FRMPD4: variants seen among roughly 807,000 people sequenced by gnomAD.
FRMPD4 encodes the protein FERM and PDZ domain containing 4.
Under a neutral mutation model 94.1 loss-of-function variants are expected in FRMPD4, and 22 were observed. That is an observed-to-expected ratio of 0.23 (90% confidence interval 0.17 to 0.33). The LOEUF (loss-of-function observed/expected upper bound fraction) is 0.33. Among genes scored for constraint, FRMPD4 ranks in the 10% least tolerant of loss-of-function variants. FRMPD4 has a pLI of 1.00. For missense variants in FRMPD4, 1,111 were observed against 1,339.9 expected (o/e 0.83, Z 2.67); for synonymous variants, 631 against 548.6 (o/e 1.15, Z -2.10).
intron 9 of FRMPD4, among the ~76,000 whole-genome samples, chrX:12,697,783 G>A (rs2060148431): frequency 8.9e-6 from 1 of 112,086 alleles, no homozygotes; most frequent in Non-Finnish European, 1.9e-5. Context: ...CTGCTTTCTT[G>A]CCTTGGGTAT....
rs766231213 is a variant in FRMPD4 at position 12,447,858 on chromosome X, C to T, written c.42-50822C>T. Among the ~76,000 whole-genome samples the T allele has an allele frequency of 4.5e-5, 5 of 112,149 alleles. No homozygotes were observed. The South Asian group carries it at 1.9e-3, about 42-fold the overall frequency. ...GGTCCCTTAATTCTCACTGTGTTTC[C>T]TTTCTATTTCATCACATCAAACTAA... On this transcript the variant is annotated intron_variant, in intron 1 of 16. Coordinates refer to ENST00000675598, the MANE Select transcript of FRMPD4 (RefSeq NM_001368397.1).
chrX:11,955,347 C>A (rs1030859217), intron 3 of FRMPD4, among the ~76,000 whole-genome samples: 5 of 110,658 alleles, frequency 4.5e-5, no homozygotes, highest in African/African-American at 1.6e-4. Context: ...GCCAGGCTTG[C>A]TGGGCACAGT....
At chrX:12,364,488 G>A (rs2056044803) in intron 1 of FRMPD4, among the ~76,000 whole-genome samples, 1 of 110,901 alleles carries the variant, frequency 9.0e-6, no homozygotes, top group Non-Finnish European at 1.9e-5. Flanking sequence ...GCCCTGGGGT[G>A]ATTAGGGCAG....
At chrX:12,289,861 A>G (rs1052346103) in intron 1 of FRMPD4, among the ~76,000 whole-genome samples, 4 of 111,950 alleles carry the variant, frequency 3.6e-5, no homozygotes, top group Non-Finnish European at 7.5e-5. Context: ...TAAATACAGT[A>G]TTTCCTGAGA....
intron 1 of FRMPD4, among the ~76,000 whole-genome samples, chrX:12,476,388 T>C (rs1213429902): frequency 3.6e-5 from 4 of 111,859 alleles, no homozygotes; most frequent in African/African-American, 1.3e-4. Context: ...CAATACCATT[T>C]GGGACATAGG....
chrX:12,352,153 T>TC (rs1370479461), intron 1 of FRMPD4, among the ~76,000 whole-genome samples: 2 of 112,377 alleles, frequency 1.8e-5, no homozygotes, highest in African/African-American at 6.5e-5. Flanking sequence ...CCACCTCTCC[T>TC]CAACACTTGC....
At chrX:12,169,408 T>C (rs1369435605) in intron 1 of FRMPD4, among the ~76,000 whole-genome samples, 1 of 112,312 alleles carries the variant, frequency 8.9e-6, no homozygotes, top group African/African-American at 3.2e-5. Flanking sequence ...GACATCTAAA[T>C]GCAGTATACC....
chrX:12,667,592 A>C (rs764224411), intron 4 of FRMPD4, among the ~76,000 whole-genome samples: 30 of 112,609 alleles, frequency 2.7e-4, no homozygotes, highest in African/African-American at 9.0e-4. Context: ...CCTTAGCTTC[A>C]TTGTTTAGAG....
intron 1 of FRMPD4, among the ~76,000 whole-genome samples, chrX:12,436,824 A>G (rs2057072486): frequency 9.0e-6 from 1 of 111,358 alleles, no homozygotes; most frequent in South Asian, 3.7e-4. Flanking sequence ...ATCACCTTAA[A>G]TATTTGTCAT....
chrX:12,088,291 G>A (rs745373895), intron 3 of FRMPD4, among the ~76,000 whole-genome samples: 20 of 111,673 alleles, frequency 1.8e-4, no homozygotes, highest in South Asian at 1.1e-3. Flanking sequence ...TCTTCACACC[G>A]TGAAAGAGGT....
intron 2 of FRMPD4, among the ~76,000 whole-genome samples, chrX:11,867,749 G>T (rs1196377307): frequency 9.0e-6 from 1 of 111,625 alleles, no homozygotes; most frequent in Non-Finnish European, 1.9e-5. Context: ...CTGGCCAGGG[G>T]TTGCAGCTAC....
intron 1 of FRMPD4, among the ~76,000 whole-genome samples, chrX:12,313,502 A>G (rs2055067122): frequency 8.9e-6 from 1 of 112,763 alleles, no homozygotes; most frequent in Non-Finnish European, 1.9e-5. Context: ...TGGTGGAACA[A>G]TCAACTTTCA....
chrX:12,141,115 A>G (rs2055683763), intron 1 of FRMPD4, among the ~76,000 whole-genome samples: 1 of 112,256 alleles, frequency 8.9e-6, no homozygotes, highest in Non-Finnish European at 1.9e-5. Context: ...AAAGTCTTGT[A>G]TGTGTTTTAA....
At chrX:12,626,654 A>G (rs2059349580) in intron 4 of FRMPD4, among the ~76,000 whole-genome samples, 1 of 100,227 alleles carries the variant, frequency 1.0e-5, no homozygotes, top group African/African-American at 3.7e-5. Flanking sequence ...TTTTTGGATT[A>G]TACACAAGTA....
In FRMPD4 at chrX:12,523,604, C is replaced by T. The variant is rs2058187520; in HGVS notation, c.158+24808C>T. Among the ~76,000 whole-genome samples, 3 of 112,122 alleles carry T rather than the reference C, an allele frequency of 2.7e-5. No individual in the cohort carries two copies. In the Admixed American group the frequency reaches 2.8e-4, roughly 11 times the overall value. On this transcript the variant is annotated intron_variant, in intron 2 of 16. Coordinates refer to ENST00000675598, the MANE Select transcript of FRMPD4 (RefSeq NM_001368397.1). ...CACTTTCCAGCCACTTGAGGGTGGG[C>T]ATGCTGCCTTTCTGTAGTTTGCTTT...
chrX:12,342,608 G>A (rs1301283066), intron 1 of FRMPD4, among the ~76,000 whole-genome samples: 1 of 111,937 alleles, frequency 8.9e-6, no homozygotes, highest in Non-Finnish European at 1.9e-5. Context: ...GAAATATTTG[G>A]AAAAATAACA....
At chrX:12,319,257 A>C (rs1372238982) in intron 1 of FRMPD4, among the ~76,000 whole-genome samples, 1 of 112,261 alleles carries the variant, frequency 8.9e-6, no homozygotes, top group Non-Finnish European at 1.9e-5. Flanking sequence ...GCCACCGTGG[A>C]AAAGAGTTGT....
chrX:12,609,069 C>T (rs1245135786), intron 2 of FRMPD4, among the ~76,000 whole-genome samples: 1 of 111,898 alleles, frequency 8.9e-6, no homozygotes, highest in South Asian at 3.7e-4. Flanking sequence ...TGTATTCTTA[C>T]AATAAAGTTA....
At chrX:12,557,580 C>T (rs2148339944) in intron 2 of FRMPD4, among the ~76,000 whole-genome samples, 1 of 112,172 alleles carries the variant, frequency 8.9e-6, no homozygotes, top group Non-Finnish European at 1.9e-5. Context: ...CTTGGGTTTC[C>T]CAAAATACTG....
Sources: gnomAD v4.1 joint callset for allele counts (sites outside exome capture counted in the v4.1 genomes callset) on GRCh38, gnomAD v4.1.1 for gene constraint, MANE v1.5 for transcripts, NCBI Gene and HGNC (gene_info 2026-07-23, HGNC 2026-07-21) for gene names.